The following FIP1L1 variants were observed in gnomAD, a reference collection of about 807,000 sequenced individuals.
FIP1L1 encodes pre-mRNA 3'-end-processing factor FIP1.
A neutral mutation model predicts 84.6 loss-of-function variants in FIP1L1; 21 were observed. The ratio of observed to expected loss-of-function variants is 0.25; its 90% confidence interval spans 0.18 to 0.36. FIP1L1 has a LOEUF of 0.36. Among genes scored for constraint, FIP1L1 ranks in the 10% least tolerant of loss-of-function variants. The pLI is 1.00. For synonymous variants in FIP1L1, 263 were observed against 242.3 expected (o/e 1.09, Z -0.80); for missense variants, 526 against 751.1 (o/e 0.70, Z 3.50).
At chr4:53,398,386 G>A (rs1342530931) in intron 9 of FIP1L1, among the ~76,000 whole-genome samples, 7 of 152,132 alleles carry the variant, frequency 4.6e-5, no homozygotes, top group African/African-American at 1.4e-4. Context: ...TTAGAGATTG[G>A]GTTGGACACT....
At chr4:53,457,141 T>G (rs1464111077) in intron 16 of FIP1L1, among the ~76,000 whole-genome samples, 1 of 152,146 alleles carries the variant, frequency 6.6e-6, no homozygotes, top group Non-Finnish European at 1.5e-5. Context: ...ATAAATGTTG[T>G]CAGTTCTGTA....
intron 13 of FIP1L1, among the ~76,000 whole-genome samples, chr4:53,441,809 A>G (rs7678953): frequency 0.81 from 123,371 of 151,870 alleles, 50,251 homozygotes; most frequent in Non-Finnish European, 0.85. Context: ...GAATTGTAGT[A>G]TGAGAGACTT....
At chr4:53,437,689 T>G (rs567635656) in intron 13 of FIP1L1, among the ~76,000 whole-genome samples, 1 of 151,460 alleles carries the variant, frequency 6.6e-6, no homozygotes, top group Non-Finnish European at 1.5e-5. Flanking sequence ...TCATGCATGT[T>G]CAAGGTAGTT....
At chr4:53,440,843 T>TA (rs1468574120) in intron 13 of FIP1L1, 2 of 457,250 alleles carry the variant, frequency 4.4e-6, no homozygotes, top group Non-Finnish European at 7.9e-6. Flanking sequence ...AATTCTTACC[T>TA]ATTCAATTTG....
At position 53,441,772 on chromosome 4, in the gene FIP1L1, C is replaced by T. The variant is rs568003766; in HGVS notation, c.1175-881C>T. On this transcript the variant is annotated intron_variant, in intron 13 of 17. Transcript: ENST00000337488. ...GATAGACAGTATGACAGTGGAATAC[C>T]TCTTGTTCTCATTTAGGACAGTGTC... Among the ~76,000 whole-genome samples the T allele has an allele frequency of 4.6e-5, 7 of 152,010 alleles. No individual in the cohort carries two copies. The South Asian group carries it at 1.5e-3, about 31-fold the overall frequency.
intron 16 of FIP1L1, among the ~76,000 whole-genome samples, chr4:53,454,230 G>A (rs2150411104): frequency 1.3e-5 from 2 of 152,252 alleles, no homozygotes; most frequent in South Asian, 4.1e-4. Context: ...AAACACCATT[G>A]TGTTAAAATT....
In FIP1L1 at chr4:53,448,020, G is replaced by A. The variant is rs114245857; in HGVS notation, c.1285+3917G>A. On this transcript the variant is annotated intron_variant, in intron 15 of 17. Coordinates refer to ENST00000337488, the MANE Select transcript of FIP1L1 (RefSeq NM_030917.4). ...CCTGTACCATTGTTTTTCCTTGTATGTCATCAGTTGTGTAAAGTCTTACAC... is the reference window on the plus strand; with the variant it reads ...CCTGTACCATTGTTTTTCCTTGTATATCATCAGTTGTGTAAAGTCTTACAC... Among the ~76,000 whole-genome samples the A allele has an allele frequency of 8.8e-3, 1,340 of 152,082 alleles. 22 individuals carry two copies. Among genetic ancestry groups the A allele is most frequent in the African/African-American group, 0.03 (1,263 of 41,504 alleles).
intron 16 of FIP1L1, among the ~76,000 whole-genome samples, chr4:53,457,637 TCATACAAATTA>T (rs1719974931): frequency 6.6e-6 from 1 of 152,142 alleles, no homozygotes; most frequent in Non-Finnish European, 1.5e-5. Flanking sequence ...TCTTGATGTT[TCATACAAATTA>T]CTACTTTCAT....
intron 10 of FIP1L1, 56 bp from the exon 11 acceptor site, chr4:53,414,559 A>C: frequency 8.4e-7 from 1 of 1,193,600 alleles, no homozygotes; most frequent in Non-Finnish European, 1.2e-6. Context: ...AAACAGAACA[A>C]GGGGGGTCAG....
Position 53,453,464 on chromosome 4 carries a change from A to G in FIP1L1, c.1499+331A>G, listed in dbSNP as rs1390374254. ...AATATTAATATTTAAAAAGAAAATT[A>G]TCACCACTTCTATTATTATTCTATT... is the stretch of plus-strand genomic sequence containing the variant. On this transcript the variant is annotated intron_variant, in intron 16 of 17. Coordinates refer to ENST00000337488, the MANE Select transcript of FIP1L1 (RefSeq NM_030917.4). Among the ~76,000 whole-genome samples, 7 of 152,216 alleles carry G rather than the reference A, an allele frequency of 4.6e-5. No homozygotes were observed. In the South Asian group the frequency reaches 1.5e-3, roughly 32 times the overall value.
intron 15 of FIP1L1, among the ~76,000 whole-genome samples, chr4:53,450,158 T>C (rs1487850562): frequency 1.1e-4 from 16 of 152,188 alleles, no homozygotes. Flanking sequence ...TTAATTTTTA[T>C]TCTTTTCTAA....
At chr4:53,409,607 G>C (rs950944782) in intron 10 of FIP1L1, among the ~76,000 whole-genome samples, 1 of 152,260 alleles carries the variant, frequency 6.6e-6, no homozygotes, top group South Asian at 2.1e-4. Flanking sequence ...AGCCTACAGA[G>C]GCAGGCAGGC....
intron 13 of FIP1L1, among the ~76,000 whole-genome samples, chr4:53,433,511 A>G (rs1242905961): frequency 6.7e-5 from 2 of 29,698 alleles, no homozygotes; most frequent in African/African-American, 1.7e-4. Flanking sequence ...ATCATATTTG[A>G]TGTTCATTTT....
chr4:53,446,162 T>G (rs1774101128), intron 15 of FIP1L1, among the ~76,000 whole-genome samples: 1 of 151,810 alleles, frequency 6.6e-6, no homozygotes, highest in South Asian at 2.1e-4. Context: ...TATGTTGACT[T>G]ACTTGTTTCA....
chr4:53,408,903 T>G (rs780630311), intron 10 of FIP1L1, among the ~76,000 whole-genome samples: 8 of 147,852 alleles, frequency 5.4e-5, no homozygotes, highest in Non-Finnish European at 1.0e-4. Flanking sequence ...CTTCTAAATT[T>G]TTTTCAAAGT....
At chr4:53,387,820 T>A (rs1297049751) in intron 5 of FIP1L1, among the ~76,000 whole-genome samples, 1 of 152,238 alleles carries the variant, frequency 6.6e-6, no homozygotes, top group Non-Finnish European at 1.5e-5. Context: ...CATATGTAGA[T>A]ACCGCTAAGT....
chr4:53,408,187 CTGG>C (rs1754867719), intron 10 of FIP1L1, among the ~76,000 whole-genome samples: 1 of 152,224 alleles, frequency 6.6e-6, no homozygotes, highest in Admixed American at 6.5e-5. Context: ...TAGGGCAGGC[CTGG>C]TGGTGACAAA....
At chr4:53,420,459 ACACT>A (rs1560541531) in intron 11 of FIP1L1, among the ~76,000 whole-genome samples, 2 of 133,630 alleles carry the variant, frequency 1.5e-5, no homozygotes, top group African/African-American at 5.2e-5. Flanking sequence ...GATAAATCAG[ACACT>A]CAGTGAGTGT....
In FIP1L1 at chr4:53,460,849, GT is replaced by G; in HGVS notation, c.*1403del. The stretch of plus-strand genomic sequence containing the variant: ...TAAAAACTGACAAGATAAATATAGT[GT>G]TTCAACTTCTTAGCCTATTTGTGAT... On this transcript the variant is annotated 3_prime_UTR_variant, in exon 18 of 18. Transcript: ENST00000337488. 1 of 1,452,012 alleles carries G rather than the reference GT, an allele frequency of 6.9e-7. No individual in the cohort carries two copies. The highest frequency in any genetic ancestry group is 1.3e-5 in the South Asian group (1 of 77,838). The allele number at this position is 1,452,012 out of a possible 1,614,324, so 89.9% of individuals were successfully genotyped here.
Sources: gnomAD v4.1 joint callset for allele counts (sites outside exome capture counted in the v4.1 genomes callset) on GRCh38, gnomAD v4.1.1 for gene constraint, MANE v1.5 for transcripts, NCBI Gene and HGNC (gene_info 2026-07-23, HGNC 2026-07-21) for gene names.